The following COL2A1 variants were observed in gnomAD, a reference collection of about 807,000 sequenced individuals.
COL2A1 encodes the protein collagen type II alpha 1 chain, also known as collagen alpha-1(II) chain.
A neutral mutation model predicts 204.5 loss-of-function variants in COL2A1; 28 were observed. That is an observed-to-expected ratio of 0.14 (90% CI 0.10 to 0.19). The LOEUF (loss-of-function observed/expected upper bound fraction) is 0.19. Among genes scored for constraint, COL2A1 ranks in the 10% least tolerant of loss-of-function variants. The probability of loss-of-function intolerance (pLI) is 1.00; values close to 1 mark genes in which losing one functional copy is unlikely to be tolerated. For missense variants in COL2A1, 1,388 were observed against 2,027.5 expected, an observed-to-expected ratio of 0.68 and a Z score of 6.06; for synonymous variants, 708 against 718.7, an observed-to-expected ratio of 0.99 and a Z score of 0.24.
chr12:47,975,802 T>G (rs886825658), intron 50 of COL2A1, among the ~76,000 whole-genome samples, 161 bp downstream of exon 50: 1 of 152,244 alleles, frequency 6.6e-6, no homozygotes, highest in East Asian at 1.9e-4. Flanking sequence ...TTCCCAGCAC[T>G]GATCATGGGC....
At position 47,973,528 on chromosome 12, in the gene COL2A1, G is replaced by C. The variant is rs1481212897; in HGVS notation, c.4343C>G (p.Thr1448Ser). 1.2e-5 allele frequency: 19 copies of C among 1,614,022 alleles called. No homozygotes were observed. The highest frequency in any genetic ancestry group is 1.6e-5 in the Non-Finnish European group (19 of 1,180,038). ...CTKHTGKWGK[T>S]VIEYRSQKTS... ...CTTCTGTGACCGGTACTCGATAACAGTCTTGCCCCACTTACCGGTATGTTT... is the reference window on the plus strand; with the variant it reads ...CTTCTGTGACCGGTACTCGATAACACTCTTGCCCCACTTACCGGTATGTTT... Residue 1448 changes from threonine to serine, a missense_variant, in exon 54 of 54, where the codon ACT becomes AGT. Coordinates refer to ENST00000380518, the MANE Select transcript of COL2A1 (RefSeq NM_001844.5).
chr12:47,992,394 G>A (rs1326440708), intron 16 of COL2A1, among the ~76,000 whole-genome samples: 2 of 152,154 alleles, frequency 1.3e-5, no homozygotes, highest in East Asian at 3.9e-4. Flanking sequence ...AAAGCATATA[G>A]GGTATTAAAC....
At chr12:47,986,060 T>TGGGG in intron 23 of COL2A1, 95 bp from the exon 24 acceptor site, 1 of 1,220,668 alleles carries the variant, frequency 8.2e-7, no homozygotes, top group Non-Finnish European at 1.2e-6. Context: ...CAACCCCAAT[T>TGGGG]TCTGGGGAGC....
At position 48,000,143 on chromosome 12, in the gene COL2A1, A is replaced by T. The variant is rs747274922; in HGVS notation, c.86-18T>A. ...AGCCTCCTCTGCACCAAGGGTGGGG[A>T]GGGAGAAGCAGAGAGCCAAGGGAAG... On this transcript the variant is annotated intron_variant, in intron 1 of 53. Coordinates refer to ENST00000380518, the MANE Select transcript of COL2A1 (RefSeq NM_001844.5). 8.9e-6 allele frequency: 14 copies of T among 1,576,148 alleles called. No individual in the cohort carries two copies. In the Admixed American group the frequency reaches 1.0e-4, roughly 11 times the overall value.
In COL2A1 at chr12:47,975,520, G is replaced by A. The variant is rs371974287; in HGVS notation, c.3683C>T (p.Pro1228Leu). The stretch of plus-strand genomic sequence containing the variant: ...CAGGGGGTCGGGGCCCTTCTCTCTC[G>A]GGCCTAAGCCAGCAAAGGCGGACAT... ...IDMSAFAGLG[P>L]REKGPDPLQY... Residue 1228 changes from proline to leucine, a missense_variant, in exon 51 of 54, where the codon CCG (proline) becomes CTG (leucine). Transcript: ENST00000380518. The A allele has an allele frequency of 6.0e-5, 97 of 1,609,936 alleles. No individual in the cohort carries two copies. The highest frequency in any genetic ancestry group is 1.5e-4 in the African/African-American group (11 of 74,892).
At chr12:47,986,116 T>C in intron 23 of COL2A1, 151 bp from the exon 24 acceptor site, 1 of 860,090 alleles carries the variant, frequency 1.2e-6, no homozygotes. Context: ...TTCTGGAGCC[T>C]GCCCCGCTTC....
upstream of COL2A1, chr12:48,005,609 A>G (rs1389912936): frequency 3.9e-5 from 6 of 152,272 alleles, no homozygotes; most frequent in East Asian, 1.2e-3. Context: ...ACCTTAGCCA[A>G]ACTGCCTTCT....
In COL2A1 at chr12:47,980,786, A is replaced by G. The variant is rs546352672; in HGVS notation, c.2518-125T>C. 2.1e-5 allele frequency: 29 copies of G among 1,384,806 alleles called. No homozygotes were observed. The highest frequency in any genetic ancestry group is 2.7e-5 in the Non-Finnish European group (27 of 995,276). 85.8% of individuals were successfully genotyped at this position (1,384,806 alleles called of 1,614,324 possible). On this transcript the variant is annotated intron_variant, in intron 38 of 53. Coordinates refer to ENST00000380518, the MANE Select transcript of COL2A1 (RefSeq NM_001844.5). The surrounding 1 kb of genome is among the most constrained non-coding windows in gnomAD (Gnocchi z 4.5). The stretch of plus-strand genomic sequence containing the variant: ...CTGGTCTGGACATGATGGTTCTATT[A>G]GTATGGAGGCGGGAAAGGAGAGGAG...
At chr12:47,979,595 C>G (rs1207149027) in intron 40 of COL2A1, 31 bp from the exon 41 acceptor site, 2 of 1,597,446 alleles carry the variant, frequency 1.3e-6, no homozygotes, top group African/African-American at 2.7e-5. Flanking sequence ...CCCTGAGAAC[C>G]TCAAGCCCTC....
At chr12:47,985,503 C>T (rs753392494) in intron 26 of COL2A1, 31 bp downstream of exon 26, 21 of 1,610,754 alleles carry the variant, frequency 1.3e-5, no homozygotes, top group Non-Finnish European at 8.5e-7. Flanking sequence ...ATCCCCCCAC[C>T]CTCCTAGCAG....
At chr12:48,003,194 A>G (rs1940315756) in intron 1 of COL2A1, among the ~76,000 whole-genome samples, 1 of 152,176 alleles carries the variant, frequency 6.6e-6, no homozygotes, top group Admixed American at 6.5e-5. Flanking sequence ...GAGGGGTAGA[A>G]AGGTGCAGTC....
intron 37 of COL2A1, 99 bp from the exon 38 acceptor site, chr12:47,981,067 C>T: frequency 8.0e-7 from 1 of 1,253,680 alleles, no homozygotes; most frequent in African/African-American, 1.5e-5. Flanking sequence ...GCCTCCTGTT[C>T]CCCAGAGACG....
At chr12:47,975,002 G>A in intron 51 of COL2A1, 140 bp from the exon 52 acceptor site, 1 of 876,992 alleles carries the variant, frequency 1.1e-6, no homozygotes, top group African/African-American at 1.7e-5. Context: ...GAAAGGAGGG[G>A]GACCTGGGAG....
chr12:47,982,988 G>C, intron 32 of COL2A1, 42 bp from the exon 33 acceptor site: 3 of 1,608,066 alleles, frequency 1.9e-6, no homozygotes, highest in Non-Finnish European at 2.6e-6. Flanking sequence ...AACAGCAGTG[G>C]GGGAGAAGGT....
At chr12:47,977,200 TG>T (rs1938760897) in intron 46 of COL2A1, 45 bp from the exon 47 acceptor site, 1 of 1,607,794 alleles carries the variant, frequency 6.2e-7, no homozygotes, top group Non-Finnish European at 8.5e-7. Flanking sequence ...CCAGGACAGG[TG>T]GGGGCCTCCT....
intron 29 of COL2A1, 87 bp from the exon 30 acceptor site, chr12:47,983,823 G>C: frequency 1.4e-6 from 2 of 1,402,676 alleles, no homozygotes; most frequent in Non-Finnish European, 2.0e-6. Flanking sequence ...AGGTCAGCAG[G>C]GTGGGCAGCA....
intron 1 of COL2A1, among the ~76,000 whole-genome samples, chr12:48,001,708 G>T (rs976564394): frequency 4.6e-5 from 7 of 152,186 alleles, no homozygotes; most frequent in Non-Finnish European, 8.8e-5. Context: ...GACACGGCTC[G>T]CTCACAGACA....
chr12:47,994,543 G>A (rs1939858983), intron 11 of COL2A1, 66 bp from the exon 12 acceptor site: 1 of 1,555,444 alleles, frequency 6.4e-7, no homozygotes, highest in Non-Finnish European at 8.8e-7. Flanking sequence ...GGGCACCCCA[G>A]AGGGCTTCCC....
Position 47,980,111 on chromosome 12 carries a change from G to C in COL2A1, c.2626-49C>G. On this transcript the variant is annotated intron_variant, in intron 39 of 53. Coordinates refer to ENST00000380518, the MANE Select transcript of COL2A1 (RefSeq NM_001844.5). The surrounding 1 kb of genome is among the most constrained non-coding windows in gnomAD (Gnocchi z 4.5). ...TGAGGCCCAGTGGCCCAAGGAAGACGGTGGGCTTCTGTCTGAGCCCCAACA... is the reference window on the plus strand; with the variant it reads ...TGAGGCCCAGTGGCCCAAGGAAGACCGTGGGCTTCTGTCTGAGCCCCAACA... 1 of 1,480,604 alleles carries C rather than the reference G, an allele frequency of 6.8e-7. No homozygotes were observed. The highest frequency in any genetic ancestry group is 1.2e-5 in the South Asian group (1 of 82,674). 91.7% of individuals were successfully genotyped at this position (1,480,604 alleles called of 1,614,324 possible).
Sources: gnomAD v4.1 joint callset for allele counts (sites outside exome capture counted in the v4.1 genomes callset) on GRCh38, gnomAD v4.1.1 for gene constraint, Gnocchi (gnomAD v3.1) non-coding constraint, MANE v1.5 for transcripts, NCBI Gene and HGNC (gene_info 2026-07-23, HGNC 2026-07-21) for gene names.